Variants in FKBP1B observed in about 807,000 individuals in gnomAD.
The protein encoded by FKBP1B is FKBP prolyl isomerase 1B.
A neutral mutation model predicts 13.5 loss-of-function variants in FKBP1B; 4 were observed. The ratio of observed to expected loss-of-function variants is 0.30; its 90% CI spans 0.15 to 0.68. FKBP1B has a LOEUF of 0.68. Ranked by LOEUF, FKBP1B falls within the 30% of genes least tolerant of loss-of-function variation. The pLI, the probability that FKBP1B is intolerant of heterozygous loss-of-function variation, is 0.76. For synonymous variants in FKBP1B, 54 were observed against 53.6 expected, an observed-to-expected ratio of 1.01 and a Z score of -0.03; for missense variants, 93 against 136.2, an observed-to-expected ratio of 0.68 and a Z score of 1.58.
chr2:24,035,437 AGGGT>A, the FKBP1B span, among the ~76,000 whole-genome samples: 11 of 152,300 alleles, frequency 7.2e-5, 1 homozygote, highest in African/African-American at 2.6e-4. Flanking sequence ...GAAGAAACAT[AGGGT>A]AGGAATAAGA....
chr2:24,046,099 G>GT (rs1476618130), upstream of FKBP1B, among the ~76,000 whole-genome samples: 1 of 150,768 alleles, frequency 6.6e-6, no homozygotes, highest in Non-Finnish European at 1.5e-5. Flanking sequence ...GGGTGACAGA[G>GT]TGAGACCCTG....
rs14388 is a variant in FKBP1B at position 24,063,319 on chromosome 2, C to T, written c.*127C>T. ...TGCTAACCTCACTGCCTCATGGCAT[C>T]ATCCATTCTCTCTGCCCAAGTTGCT... is the stretch of plus-strand genomic sequence containing the variant. On this transcript the variant is annotated 3_prime_UTR_variant, in exon 4 of 4. Transcript: ENST00000380986. 0.044 allele frequency: 38,466 copies of T among 879,064 alleles called. 3,883 individuals carry two copies. Among genetic ancestry groups the T allele is most frequent in the African/African-American group, 0.35 (20,023 of 57,956 alleles). The allele number at this position is 879,064 out of a possible 1,614,324, so 54.5% of individuals were successfully genotyped here.
upstream of FKBP1B, among the ~76,000 whole-genome samples, chr2:24,047,128 C>G (rs1363853094): frequency 6.6e-6 from 1 of 151,976 alleles, no homozygotes; most frequent in Non-Finnish European, 1.5e-5. Flanking sequence ...TCATTTACAC[C>G]CACCCCTAGC....
chr2:24,061,763 A>G (rs548284131), intron 3 of FKBP1B, among the ~76,000 whole-genome samples: 1 of 152,326 alleles, frequency 6.6e-6, no homozygotes, highest in African/African-American at 2.4e-5. Flanking sequence ...CAATTGTCCC[A>G]CTAATGCTGA....
intron 2 of FKBP1B, among the ~76,000 whole-genome samples, chr2:24,057,650 G>A (rs1172168807): frequency 6.6e-6 from 1 of 152,028 alleles, no homozygotes; most frequent in Non-Finnish European, 1.5e-5. Context: ...TGGGATTACA[G>A]GCGTGAGCCA....
At chr2:24,060,996 C>T in intron 3 of FKBP1B, 70 bp downstream of exon 3, 7 of 1,128,542 alleles carry the variant, frequency 6.2e-6, no homozygotes, top group Non-Finnish European at 9.3e-6. Context: ...CTGCCCTCCA[C>T]CTCCACCTTC....
the FKBP1B span, among the ~76,000 whole-genome samples, chr2:24,041,388 GCTC>G: frequency 6.6e-6 from 1 of 151,044 alleles, no homozygotes; most frequent in African/African-American, 2.4e-5. Flanking sequence ...AGCCCCTTTA[GCTC>G]CTCCTCCTTT....
the FKBP1B span, among the ~76,000 whole-genome samples, chr2:24,041,947 C>T: frequency 9.3e-5 from 14 of 150,714 alleles, no homozygotes; most frequent in Non-Finnish European, 2.1e-4. Context: ...TGAATACTCA[C>T]TTTGAAATAT....
the FKBP1B span, among the ~76,000 whole-genome samples, chr2:24,036,970 TATA>T: frequency 1.3e-5 from 2 of 152,276 alleles, no homozygotes; most frequent in African/African-American, 2.4e-5. Context: ...ATCCCACTTA[TATA>T]ATGTTTGGAC....
chr2:24,054,989 G>A lies in FKBP1B; in HGVS notation c.85+1040G>A, dbSNP rs543469652. Among the ~76,000 whole-genome samples the A allele has an allele frequency of 1.3e-4, 20 of 152,154 alleles. 1 individual carries two copies. The South Asian group carries it at 4.2e-3, about 32-fold the overall frequency. ...ATAGCGGGAGACTATGGGACTTTTG[G>A]TAAACTTTAAAGTTAAATATAAATA... On this transcript the variant is annotated intron_variant, in intron 2 of 3. Coordinates refer to ENST00000380986, the MANE Select transcript of FKBP1B (RefSeq NM_004116.5).
At chr2:24,055,031 G>A (rs1457439664) in intron 2 of FKBP1B, among the ~76,000 whole-genome samples, 3 of 152,036 alleles carry the variant, frequency 2.0e-5, no homozygotes, top group African/African-American at 7.2e-5. Context: ...AGAACATAAT[G>A]TAAGATGTCT....
At chr2:24,036,222 G>T in the FKBP1B span, among the ~76,000 whole-genome samples, 1 of 151,130 alleles carries the variant, frequency 6.6e-6, no homozygotes, top group African/African-American at 2.4e-5. Context: ...ATGTAGGGTT[G>T]GGGCCACATG....
chr2:24,060,323 G>A (rs1462000460), intron 2 of FKBP1B, among the ~76,000 whole-genome samples: 8 of 152,166 alleles, frequency 5.3e-5, no homozygotes. Context: ...GGCCAAGGTG[G>A]GTGGATCACC....
At chr2:24,036,627 A>G in the FKBP1B span, among the ~76,000 whole-genome samples, 2 of 152,250 alleles carry the variant, frequency 1.3e-5, no homozygotes, top group Non-Finnish European at 2.9e-5. Context: ...ATGGATACAT[A>G]TAAGAGTACT....
intron 1 of FKBP1B, among the ~76,000 whole-genome samples, chr2:24,053,033 T>G (rs1663951108): frequency 6.6e-6 from 1 of 152,146 alleles, no homozygotes; most frequent in African/African-American, 2.4e-5. Flanking sequence ...TAGTGTTCAC[T>G]GCTGTATCCC....
chr2:24,038,566 G>C, the FKBP1B span: 2 of 1,614,058 alleles, frequency 1.2e-6, no homozygotes, highest in Non-Finnish European at 1.7e-6. Context: ...GCCAGTTCCT[G>C]TCAAGTAGTC....
chr2:24,048,033 G>C (rs1284888100), upstream of FKBP1B, among the ~76,000 whole-genome samples: 1 of 152,154 alleles, frequency 6.6e-6, no homozygotes, highest in Admixed American at 6.5e-5. Flanking sequence ...GCATCCGGGA[G>C]AGTGGGGATG....
chr2:24,039,003 C>G, the FKBP1B span: 1 of 1,614,042 alleles, frequency 6.2e-7, no homozygotes, highest in Non-Finnish European at 8.5e-7. Flanking sequence ...CATCCTGGGT[C>G]CAACATGCAC....
chr2:24,046,324 G>C (rs565688241), upstream of FKBP1B, among the ~76,000 whole-genome samples: 1 of 152,290 alleles, frequency 6.6e-6, no homozygotes, highest in South Asian at 2.1e-4. Context: ...GGAGGACCAA[G>C]GTTTAAATGC....
Sources: allele counts gnomAD v4.1 joint callset (sites outside exome capture counted in the v4.1 genomes callset), GRCh38; gene constraint gnomAD v4.1.1; transcripts MANE v1.5; gene names NCBI Gene and HGNC (gene_info 2026-07-23, HGNC 2026-07-21).